Variants in TEK observed in about 807,000 individuals in gnomAD.
TEK encodes the protein TEK receptor tyrosine kinase, also known as angiopoietin-1 receptor.
TEK carries 43 observed loss-of-function variants against 131.8 expected under a neutral mutation model. The ratio of observed to expected loss-of-function variants is 0.33; its 90% CI spans 0.26 to 0.42. The LOEUF (loss-of-function observed/expected upper bound fraction) is 0.42, where lower values mean the gene tolerates loss of function less well. TEK is among the 10% of genes least tolerant of loss of function. The pLI, the probability that TEK is intolerant of heterozygous loss-of-function variation, is 1.00. For missense variants in TEK, 1,162 were observed against 1,384.4 expected, an observed-to-expected ratio of 0.84 and a Z score of 2.55; for synonymous variants, 580 against 491.6, an observed-to-expected ratio of 1.18 and a Z score of -2.38.
intron 1 of TEK, among the ~76,000 whole-genome samples, chr9:27,138,219 G>C (rs932472384): frequency 2.0e-5 from 3 of 152,228 alleles, no homozygotes; most frequent in African/African-American, 4.8e-5. Flanking sequence ...ATTCCACAGT[G>C]TGGAAGGGGA....
At chr9:27,149,861 C>T (rs1221657235) in intron 1 of TEK, among the ~76,000 whole-genome samples, 1 of 152,072 alleles carries the variant, frequency 6.6e-6, no homozygotes, top group Non-Finnish European at 1.5e-5. Flanking sequence ...GGTCTGGTTC[C>T]AAAGATGCAT....
At chr9:27,133,640 A>G (rs1457385162) in intron 1 of TEK, among the ~76,000 whole-genome samples, 1 of 152,178 alleles carries the variant, frequency 6.6e-6, no homozygotes, top group African/African-American at 2.4e-5. Context: ...ATTGCAGGCT[A>G]GTGGCTTTCA....
chr9:27,113,760 C>A (rs945202569), intron 1 of TEK, among the ~76,000 whole-genome samples: 1 of 152,168 alleles, frequency 6.6e-6, no homozygotes, highest in African/African-American at 2.4e-5. Flanking sequence ...ATAATCCTGT[C>A]TCTCAAACTT....
At chr9:27,198,457 G>A (rs1340510453) in intron 12 of TEK, 1 of 152,226 alleles carries the variant, frequency 6.6e-6, no homozygotes, top group African/African-American at 2.4e-5. Context: ...CTGGCTCAGT[G>A]TTTCTTTGGC....
At chr9:27,120,632 G>A (rs13295369) in intron 1 of TEK, among the ~76,000 whole-genome samples, 3,103 of 152,326 alleles carry the variant, frequency 0.02, 56 homozygotes, top group Non-Finnish European at 0.031. Flanking sequence ...AACTTCATCC[G>A]CAAATGAAAA....
chr9:27,179,514 C>T (rs1016481461), intron 6 of TEK, among the ~76,000 whole-genome samples: 1 of 152,104 alleles, frequency 6.6e-6, no homozygotes, highest in African/African-American at 2.4e-5. Context: ...GTATCTTGAA[C>T]ATTGAAAATG....
Position 27,158,092 on chromosome 9 carries a change from G to A in TEK, c.314G>A (p.Arg105Gln), listed in dbSNP as rs751162215. ...AATGGTGCTTATTTCTGTGAAGGGC[G>A]AGTTCGAGGAGAGGCAATCAGGATA... ...KINGAYFCEG[R>Q]VRGEAIRIRT... Residue 105 changes from arginine (R) to glutamine (Q), a missense_variant, in exon 2 of 23, where the codon CGA becomes CAA. Physicochemically the swap from Arg to Gln is conservative, Grantham distance 43. Coordinates refer to ENST00000380036, the MANE Select transcript of TEK (RefSeq NM_000459.5). 52 of 1,613,972 alleles carry A rather than the reference G, an allele frequency of 3.2e-5. No homozygotes were observed. In the Admixed American group the frequency reaches 4.8e-4, roughly 15 times the overall value.
At chr9:27,195,544 A>G (rs1025875873) in intron 11 of TEK, 1 of 430,832 alleles carries the variant, frequency 2.3e-6, no homozygotes, top group Admixed American at 2.6e-5. Flanking sequence ...CATAGGAGTG[A>G]TTGTGTCCCT....
At chr9:27,200,060 CTTAT>C (rs1211430562) in intron 12 of TEK, among the ~76,000 whole-genome samples, 8 of 151,998 alleles carry the variant, frequency 5.3e-5, no homozygotes, top group Non-Finnish European at 1.2e-4. Context: ...TTATTTTAAT[CTTAT>C]TTATTCACAT....
At chr9:27,172,788 A>C (rs1202797636) in intron 5 of TEK, 41 bp downstream of exon 5, 2 of 1,611,134 alleles carry the variant, frequency 1.2e-6, no homozygotes, top group Non-Finnish European at 1.7e-6. Flanking sequence ...GGATTTAAAA[A>C]GCCATCGTTG....
intron 2 of TEK, among the ~76,000 whole-genome samples, chr9:27,162,035 C>T (rs1823565304): frequency 6.6e-6 from 1 of 152,134 alleles, no homozygotes; most frequent in African/African-American, 2.4e-5. Flanking sequence ...TATGTTCTCT[C>T]CTGTATTTTA....
chr9:27,228,375 A>T (rs1355566498), intron 22 of TEK, 70 bp downstream of exon 22: 1 of 1,222,626 alleles, frequency 8.2e-7, no homozygotes, highest in Non-Finnish European at 1.2e-6. Flanking sequence ...TTCATAAAAA[A>T]CATTGAAATA....
At chr9:27,203,582 C>A (rs1159655296) in intron 13 of TEK, among the ~76,000 whole-genome samples, 1 of 152,150 alleles carries the variant, frequency 6.6e-6, no homozygotes, top group Non-Finnish European at 1.5e-5. Flanking sequence ...AACCCCAACC[C>A]CAGGAAAAGT....
At chr9:27,170,541 T>C (rs998141582) in intron 4 of TEK, among the ~76,000 whole-genome samples, 1 of 152,058 alleles carries the variant, frequency 6.6e-6, no homozygotes, top group African/African-American at 2.4e-5. Flanking sequence ...GGGAGGATAG[T>C]TCAAGCTCGG....
intron 10 of TEK, among the ~76,000 whole-genome samples, chr9:27,192,282 G>A (rs920780901): frequency 7.9e-5 from 12 of 152,158 alleles, no homozygotes; most frequent in Non-Finnish European, 1.5e-5. Context: ...ACACTTTAAT[G>A]TGTACATTGT....
chr9:27,206,723 G>A lies in TEK; in HGVS notation c.2506G>A (p.Gly836Ser). ...FQDVIGEGNF[G>S]QVLKARIKKD... ...AGATGTGATTGGGGAGGGCAATTTT[G>A]GCCAAGTTCTTAAGGCGCGCATCAA... The change falls in exon 15 of 23, where the codon GGC (glycine) becomes AGC (serine). Residue 836 changes from glycine to serine, a missense_variant. Gly to Ser is a moderately conservative substitution (Grantham distance 56, BLOSUM62 0). Coordinates refer to ENST00000380036, the MANE Select transcript of TEK (RefSeq NM_000459.5). The A allele has an allele frequency of 6.2e-7, 1 of 1,614,094 alleles. No individual in the cohort carries two copies. The highest frequency in any genetic ancestry group is 8.5e-7 in the Non-Finnish European group (1 of 1,180,008).
At chr9:27,217,915 G>A (rs1391475975) in intron 19 of TEK, among the ~76,000 whole-genome samples, 157 bp downstream of exon 19, 1 of 152,182 alleles carries the variant, frequency 6.6e-6, no homozygotes, top group Non-Finnish European at 1.5e-5. Context: ...AAGCCACAGA[G>A]TAGACAGTTT....
At chr9:27,191,610 G>A (rs540836230) in intron 10 of TEK, among the ~76,000 whole-genome samples, 1 of 151,750 alleles carries the variant, frequency 6.6e-6, no homozygotes, top group South Asian at 2.1e-4. Flanking sequence ...AAAGAGAAGA[G>A]GAGGAGGGTT....
Position 27,226,871 on chromosome 9 carries a change from A to G in TEK, c.3201-1335A>G, listed in dbSNP as rs148977414. ...CTATCCGTGGTAGAAGCTAACTGGCATGTTTGAAGACTGCAAGGCTCTAGG... is the reference window on the plus strand; with the variant it reads ...CTATCCGTGGTAGAAGCTAACTGGCGTGTTTGAAGACTGCAAGGCTCTAGG... On this transcript the variant is annotated intron_variant, in intron 21 of 22. Coordinates refer to ENST00000380036, the MANE Select transcript of TEK (RefSeq NM_000459.5). Among the ~76,000 whole-genome samples, 677 of 152,260 alleles carry G rather than the reference A, an allele frequency of 4.4e-3. 8 individuals are homozygous for G. The highest frequency in any genetic ancestry group is 0.015 in the African/African-American group (638 of 41,560).
Sources: allele counts gnomAD v4.1 joint callset (sites outside exome capture counted in the v4.1 genomes callset), GRCh38; gene constraint gnomAD v4.1.1; transcripts MANE v1.5; gene names NCBI Gene and HGNC (gene_info 2026-07-23, HGNC 2026-07-21).